PRKCB: variants seen among roughly 807,000 people sequenced by gnomAD.
The protein encoded by PRKCB is protein kinase C beta.
A neutral mutation model predicts 81.5 loss-of-function variants in PRKCB; 13 were observed. The observed-to-expected ratio is 0.16, with a 90% CI of 0.10 to 0.25. PRKCB has a LOEUF of 0.25. Ranked by LOEUF, PRKCB falls within the 10% of genes least tolerant of loss-of-function variation. The pLI is 1.00. For synonymous variants in PRKCB, 335 were observed against 321.4 expected (o/e 1.04, Z -0.45); for missense variants, 509 against 875.7 (o/e 0.58, Z 5.29).
At chr16:23,906,249 G>A (rs1963559203) in intron 2 of PRKCB, among the ~76,000 whole-genome samples, 2 of 152,234 alleles carry the variant, frequency 1.3e-5, no homozygotes, top group Admixed American at 1.3e-4. Flanking sequence ...TGAAAAACTA[G>A]TATCTCGCTA....
intron 16 of PRKCB, among the ~76,000 whole-genome samples, chr16:24,193,461 AAATAAATAAATAAAT>A (rs1567408502): frequency 4.0e-5 from 4 of 99,310 alleles, no homozygotes; most frequent in African/African-American, 9.2e-5. Context: ...ATAAATAAAT[AAATAAATAAATAAAT>A]AAATAAATAA....
intron 2 of PRKCB, among the ~76,000 whole-genome samples, chr16:23,919,037 A>G (rs1295872602): frequency 6.6e-6 from 1 of 152,238 alleles, no homozygotes; most frequent in Non-Finnish European, 1.5e-5. Flanking sequence ...GTTTAGATAC[A>G]GTTTTCTTTA....
At chr16:24,106,521 C>T (rs1236970775) in intron 7 of PRKCB, among the ~76,000 whole-genome samples, 3 of 152,064 alleles carry the variant, frequency 2.0e-5, no homozygotes, top group East Asian at 1.9e-4. Flanking sequence ...AAAAATAATC[C>T]GCAATAAACA....
chr16:23,857,231 G>A (rs1204534111), intron 2 of PRKCB, among the ~76,000 whole-genome samples: 2 of 152,212 alleles, frequency 1.3e-5, no homozygotes, highest in Non-Finnish European at 2.9e-5. Context: ...TGTCACTCGG[G>A]TGAAGTGTCA....
At chr16:24,058,646 C>A (rs992959527) in intron 5 of PRKCB, among the ~76,000 whole-genome samples, 1 of 152,064 alleles carries the variant, frequency 6.6e-6, no homozygotes, top group African/African-American at 2.4e-5. Flanking sequence ...TGAAGTGTAA[C>A]CACATGAGAG....
intron 5 of PRKCB, among the ~76,000 whole-genome samples, chr16:24,060,348 G>C (rs932665471): frequency 2.0e-5 from 3 of 152,096 alleles, no homozygotes; most frequent in African/African-American, 7.2e-5. Context: ...GCATAATGAG[G>C]GGTTAGTTAG....
At chr16:24,079,130 G>A (rs894946650) in intron 5 of PRKCB, among the ~76,000 whole-genome samples, 3 of 152,112 alleles carry the variant, frequency 2.0e-5, no homozygotes, top group Admixed American at 1.3e-4. Context: ...TAACTGATAC[G>A]ATATATTCTC....
In PRKCB at chr16:24,197,468, A is replaced by T. The variant is rs118169450; in HGVS notation, c.1863+6238A>T. Among the ~76,000 whole-genome samples the T allele has an allele frequency of 4.9e-4, 74 of 152,258 alleles. 2 individuals carry two copies. The East Asian group carries it at 0.014, about 28-fold the overall frequency. On this transcript the variant is annotated intron_variant, in intron 16 of 16. Coordinates refer to ENST00000643927, the MANE Select transcript of PRKCB (RefSeq NM_002738.7). ...ATGGTCAAGGGAGAGCAAGGAGTGC[A>T]GGTGCCTGAGCCAAGGGGTTGAGGG...
intron 2 of PRKCB, among the ~76,000 whole-genome samples, chr16:23,884,550 T>G (rs1421338113): frequency 6.6e-6 from 1 of 152,134 alleles, no homozygotes; most frequent in Non-Finnish European, 1.5e-5. Context: ...TCTTTTTCTT[T>G]TTGAGTCAGG....
intron 7 of PRKCB, among the ~76,000 whole-genome samples, chr16:24,095,994 T>C (rs1966434201): frequency 6.6e-6 from 1 of 152,126 alleles, no homozygotes; most frequent in South Asian, 2.1e-4. Flanking sequence ...GCAAGGGCTA[T>C]TATCATTTAA....
At chr16:23,878,717 C>T (rs927669267) in intron 2 of PRKCB, among the ~76,000 whole-genome samples, 2 of 152,168 alleles carry the variant, frequency 1.3e-5, no homozygotes, top group African/African-American at 2.4e-5. Context: ...TAAATTTTAG[C>T]AAGAGGTGAA....
chr16:24,140,571 G>A (rs1186789339), intron 9 of PRKCB, among the ~76,000 whole-genome samples: 1 of 152,152 alleles, frequency 6.6e-6, no homozygotes, highest in Non-Finnish European at 1.5e-5. Context: ...GCAGTCATAG[G>A]GGTGTGGAAA....
intron 5 of PRKCB, among the ~76,000 whole-genome samples, chr16:24,070,147 A>ATTT (rs761693030): frequency 0.028 from 3,747 of 134,940 alleles, 194 homozygotes; most frequent in African/African-American, 0.094. Context: ...AAACCAGGGG[A>ATTT]TTTTTTTTTT....
chr16:23,846,633 G>A (rs1457633335), intron 2 of PRKCB, among the ~76,000 whole-genome samples: 231 of 88,118 alleles, frequency 2.6e-3, no homozygotes, highest in South Asian at 4.7e-3. Flanking sequence ...AAAAAAAAAA[G>A]TTAGTTTCTA....
At chr16:23,852,962 G>A (rs1334105202) in intron 2 of PRKCB, among the ~76,000 whole-genome samples, 4 of 152,170 alleles carry the variant, frequency 2.6e-5, no homozygotes, top group African/African-American at 7.2e-5. Context: ...AGTGAAATCC[G>A]TATGGGAGAC....
At chr16:24,052,531 A>T (rs1013932019) in intron 5 of PRKCB, among the ~76,000 whole-genome samples, 26 of 152,206 alleles carry the variant, frequency 1.7e-4, no homozygotes, top group Non-Finnish European at 5.9e-5. Flanking sequence ...ATTATATGCT[A>T]AAAAAGGGGT....
At chr16:23,952,336 A>G (rs1274033015) in intron 2 of PRKCB, among the ~76,000 whole-genome samples, 1 of 152,164 alleles carries the variant, frequency 6.6e-6, no homozygotes, top group Non-Finnish European at 1.5e-5. Context: ...CTGTGTGTGT[A>G]TGTGCACGCA....
chr16:23,886,346 A>C (rs1334752400), intron 2 of PRKCB, among the ~76,000 whole-genome samples: 1 of 150,586 alleles, frequency 6.6e-6, no homozygotes, highest in Non-Finnish European at 1.5e-5. Context: ...TGGGCAAAAC[A>C]TTCAACGTCA....
At chr16:23,954,575 G>C (rs1964325363) in intron 2 of PRKCB, among the ~76,000 whole-genome samples, 1 of 152,212 alleles carries the variant, frequency 6.6e-6, no homozygotes, top group Non-Finnish European at 1.5e-5. Flanking sequence ...GGAGTTGTCA[G>C]TGATAAGCAT....
Sources: gnomAD v4.1 joint callset for allele counts (sites outside exome capture counted in the v4.1 genomes callset) on GRCh38, gnomAD v4.1.1 for gene constraint, MANE v1.5 for transcripts, NCBI Gene and HGNC (gene_info 2026-07-23, HGNC 2026-07-21) for gene names.